FBLN2: variants seen among roughly 807,000 people sequenced by gnomAD.
FBLN2 encodes the protein fibulin-2.
Under a neutral mutation model 123.7 loss-of-function variants are expected in FBLN2, and 81 were observed. The ratio of observed to expected loss-of-function variants is 0.65; its 90% CI spans 0.55 to 0.79. FBLN2 has a LOEUF of 0.79. Ranked by LOEUF, FBLN2 falls within the 30% of genes least tolerant of loss-of-function variation. The probability of loss-of-function intolerance (pLI) is 0.00; values close to 1 mark genes in which losing one functional copy is unlikely to be tolerated. For missense variants in FBLN2, 1,603 were observed against 1,681.3 expected (o/e 0.95, Z 0.81); for synonymous variants, 699 against 701.4 (o/e 1.00, Z 0.05).
chr3:13,551,990 G>T (rs191858936), intron 1 of FBLN2, among the ~76,000 whole-genome samples: 1 of 151,950 alleles, frequency 6.6e-6, no homozygotes, highest in Non-Finnish European at 1.5e-5. Flanking sequence ...GACTACAGAC[G>T]CACACCAGCC....
At chr3:13,602,914 CT>C (rs1197468151) in intron 2 of FBLN2, among the ~76,000 whole-genome samples, 67 of 143,258 alleles carry the variant, frequency 4.7e-4, no homozygotes, top group Admixed American at 7.0e-4. Context: ...TTCTTTCTTT[CT>C]TTTTTTTTTT....
At chr3:13,622,076 G>C (rs1705873275) in intron 9 of FBLN2, among the ~76,000 whole-genome samples, 161 bp downstream of exon 9, 1 of 152,192 alleles carries the variant, frequency 6.6e-6, no homozygotes. Flanking sequence ...TTGTGTCCTG[G>C]CGTCTTGTCC....
At chr3:13,634,877 G>C (rs974180524) in intron 16 of FBLN2, among the ~76,000 whole-genome samples, 2 of 152,236 alleles carry the variant, frequency 1.3e-5, no homozygotes, top group East Asian at 3.8e-4. Context: ...TGCCCCGTGG[G>C]GTTGGCGTGG....
chr3:13,619,135 G>A (rs1173700960), intron 7 of FBLN2, 118 bp downstream of exon 7: 1 of 712,772 alleles, frequency 1.4e-6, no homozygotes, highest in East Asian at 2.7e-5. Flanking sequence ...CCCTCCAAAG[G>A]GTGTGCTTCT....
At chr3:13,628,045 T>C in intron 11 of FBLN2, 76 bp downstream of exon 11, 1 of 1,524,982 alleles carries the variant, frequency 6.6e-7, no homozygotes, top group South Asian at 1.3e-5. Context: ...TTTAGGGCTT[T>C]AGAGACCAGG....
chr3:13,555,196 C>T (rs187576551), intron 1 of FBLN2, among the ~76,000 whole-genome samples: 1 of 152,156 alleles, frequency 6.6e-6, no homozygotes, highest in East Asian at 1.9e-4. Flanking sequence ...AGGTGATCCA[C>T]CTGTCTTGGC....
At chr3:13,624,705 G>T (rs1705965133) in intron 9 of FBLN2, among the ~76,000 whole-genome samples, 1 of 152,202 alleles carries the variant, frequency 6.6e-6, no homozygotes, top group African/African-American at 2.4e-5. Context: ...CAGTTCTCTG[G>T]CCAGAGCCCC....
chr3:13,570,209 C>T (rs1050834310), intron 1 of FBLN2, 106 bp from the exon 2 acceptor site: 43 of 1,237,736 alleles, frequency 3.5e-5, no homozygotes, highest in Middle Eastern at 3.9e-4. Context: ...TGAGCGCATG[C>T]GTGTGAGGTG....
rs372761820 is a variant in FBLN2 at position 13,628,999 on chromosome 3, G to A, written c.2664G>A (p.Leu888=). Residue 888 remains leucine, a synonymous_variant, in exon 12 of 18, where the codon CTG becomes CTA. Transcript: ENST00000404922. ...VGSYTCQRNP[L]ICARGYHASD... ...CCTACACATGCCAGAGGAACCCGCT[G>A]ATCTGCGCGCGCGGCTACCACGCCA... The A allele has an allele frequency of 6.2e-7, 1 of 1,613,414 alleles. No individual in the cohort carries two copies. The highest frequency in any genetic ancestry group is 1.3e-5 in the African/African-American group (1 of 74,910).
At chr3:13,619,660 A>T in intron 7 of FBLN2, 70 bp from the exon 8 acceptor site, 5 of 1,302,056 alleles carry the variant, frequency 3.8e-6, no homozygotes, top group Non-Finnish European at 4.4e-6. Context: ...AGAGCCAGGG[A>T]TGGGGAATGA....
chr3:13,577,902 A>G (rs998590122), intron 2 of FBLN2, among the ~76,000 whole-genome samples: 2 of 152,248 alleles, frequency 1.3e-5, no homozygotes, highest in African/African-American at 4.8e-5. Context: ...GATACTCTGC[A>G]TGGACATCCC....
intron 2 of FBLN2, among the ~76,000 whole-genome samples, chr3:13,579,360 A>T (rs113477404): frequency 7.2e-4 from 109 of 152,348 alleles, no homozygotes; most frequent in African/African-American, 2.6e-3. Context: ...TATACACTGC[A>T]CTGGGGGAGA....
chr3:13,557,039 A>G (rs1178962486), intron 1 of FBLN2, among the ~76,000 whole-genome samples: 1 of 152,262 alleles, frequency 6.6e-6, no homozygotes, highest in Non-Finnish European at 1.5e-5. Flanking sequence ...CACCTTCAGA[A>G]CTTGCTGTTT....
intron 4 of FBLN2, among the ~76,000 whole-genome samples, chr3:13,612,305 T>TTCTTTCTTTCTTTCTTTCTTTCTTTC (rs1559418737): frequency 6.5e-5 from 5 of 77,284 alleles, no homozygotes; most frequent in African/African-American, 1.8e-4. Flanking sequence ...CTTTCTTTCT[T>TTCTTTCTTTCTTTCTTTCTTTCTTTC]TCTTTCTTTC....
Position 13,637,713 on chromosome 3 carries a change from A to G in FBLN2, c.3490A>G (p.Ile1164Val), listed in dbSNP as rs535892420. ...GPAPAFTGDT[I>V]ALNIIKGNEE... ...CGCGCCAGCCTTCACGGGGGACACC[A>G]TCGCCCTGAACATCATCAAGGGCAA... Residue 1164 changes from isoleucine to valine, a missense_variant, in exon 18 of 18, where the codon ATC becomes GTC. Coordinates refer to ENST00000404922, the MANE Select transcript of FBLN2 (RefSeq NM_001004019.2). 18 of 1,614,014 alleles carry G rather than the reference A, an allele frequency of 1.1e-5. No individual in the cohort carries two copies. The highest frequency in any genetic ancestry group is 3.3e-5 in the Admixed American group (2 of 60,028).
intron 5 of FBLN2, among the ~76,000 whole-genome samples, chr3:13,616,283 C>T (rs914356149): frequency 3.3e-5 from 5 of 152,130 alleles, no homozygotes; most frequent in Admixed American, 6.5e-5. Context: ...GGAGGAAGTC[C>T]GGCTTCAAAA....
At chr3:13,603,704 C>G (rs1324059529) in intron 2 of FBLN2, among the ~76,000 whole-genome samples, 1 of 152,132 alleles carries the variant, frequency 6.6e-6, no homozygotes, top group Non-Finnish European at 1.5e-5. Flanking sequence ...TATACGTGTG[C>G]ATGTGTCTTT....
chr3:13,628,032 G>A (rs755846290), intron 11 of FBLN2, 63 bp downstream of exon 11: 2 of 1,556,714 alleles, frequency 1.3e-6, no homozygotes, highest in South Asian at 1.2e-5. Flanking sequence ...CATTGTGGGG[G>A]CTTTTAGGGC....
intron 2 of FBLN2, among the ~76,000 whole-genome samples, chr3:13,589,547 C>G (rs1285156940): frequency 6.6e-6 from 1 of 152,174 alleles, no homozygotes; most frequent in African/African-American, 2.4e-5. Context: ...GGGAAGGGGG[C>G]TCAGTGAAGA....
Sources: allele counts gnomAD v4.1 joint callset (sites outside exome capture counted in the v4.1 genomes callset), GRCh38; gene constraint gnomAD v4.1.1; transcripts MANE v1.5; gene names NCBI Gene and HGNC (gene_info 2026-07-23, HGNC 2026-07-21).